XCL2: variants seen among roughly 807,000 people sequenced by gnomAD.
XCL2 encodes the protein X-C motif chemokine ligand 2, also known as cytokine SCM-1 beta.
Under a neutral mutation model 7.2 loss-of-function variants are expected in XCL2, and 8 were observed. The ratio of observed to expected loss-of-function variants is 1.10; its 90% CI spans 0.65 to 1.99. XCL2 has a LOEUF of 1.99. Ranked by LOEUF, XCL2 falls within the 30% of genes most tolerant of loss-of-function variation. The pLI, the probability that XCL2 is intolerant of heterozygous loss-of-function variation, is 0.00. For missense variants in XCL2, 131 were observed against 138.6 expected, an observed-to-expected ratio of 0.94 and a Z score of 0.28; for synonymous variants, 46 against 54.2, an observed-to-expected ratio of 0.85 and a Z score of 0.67.
chr1:168,541,970 A>C, intron 2 of XCL2, 23 bp downstream of exon 2: 1 of 1,608,976 alleles, frequency 6.2e-7, no homozygotes, highest in South Asian at 1.1e-5. Flanking sequence ...CACCCAGCCC[A>C]ACTTCTGAGG....
intron 1 of XCL2, among the ~76,000 whole-genome samples, chr1:168,542,515 T>C (rs1933098): frequency 0.21 from 32,443 of 151,860 alleles, 3,633 homozygotes; most frequent in African/African-American, 0.28. Context: ...GCATATCTTC[T>C]CATGAGGGAG....
intron 1 of XCL2, chr1:168,543,218 G>C (rs1654329296): frequency 4.5e-6 from 1 of 223,706 alleles, no homozygotes; most frequent in Non-Finnish European, 8.7e-6. Context: ...TGCACATGGT[G>C]TGGACCCCAT....
In XCL2 at chr1:168,542,320, T is replaced by A. The variant is rs368269359; in HGVS notation, c.62-213A>T. 3.0e-3 allele frequency among the ~76,000 whole-genome samples: 449 copies of A among 151,814 alleles called. 1 individual carries two copies. Among genetic ancestry groups the A allele is most frequent in the Admixed American group, 8.0e-3 (121 of 15,202 alleles). On this transcript the variant is annotated intron_variant, in intron 1 of 2. Coordinates refer to ENST00000367819, the MANE Select transcript of XCL2 (RefSeq NM_003175.4). ...TAATTTAAAAACTCAATCAACAGAA[T>A]TGTTTCAGGAATTTCATGCTGAGAG...
chr1:168,542,196 T>C (rs908616462), intron 1 of XCL2, 89 bp from the exon 2 acceptor site: 2 of 1,195,230 alleles, frequency 1.7e-6, no homozygotes, highest in African/African-American at 3.1e-5. Flanking sequence ...ACTCTGAGAA[T>C]GTTGTGAGAA....
At position 168,541,067 on chromosome 1, in the gene XCL2, A is replaced by C; in HGVS notation, c.230T>G (p.Val77Gly). The C allele has an allele frequency of 6.2e-7, 1 of 1,613,694 alleles. No individual in the cohort carries two copies. The highest frequency in any genetic ancestry group is 1.1e-5 in the South Asian group (1 of 91,076). ...GTCCATGCTCCTGACCACGTCTCTC[A>C]CCCACGTGGCTTGTGGATCAGCACA... The part of the protein sequence containing the change: ...KVCADPQATW[V>G]RDVVRSMDRK... The change falls in exon 3 of 3, where the codon GTG (valine) becomes GGG (glycine). Residue 77 changes from valine (V) to glycine (G), a missense_variant. Val to Gly is a moderately radical substitution (Grantham distance 109). Coordinates refer to ENST00000367819, the MANE Select transcript of XCL2 (RefSeq NM_003175.4).
At chr1:168,541,949 C>G in intron 2 of XCL2, 44 bp downstream of exon 2, 1 of 1,596,880 alleles carries the variant, frequency 6.3e-7, no homozygotes, top group East Asian at 2.2e-5. Flanking sequence ...ATTTCTATAC[C>G]TCTAGGTACC....
chr1:168,542,266 C>T (rs934313735), intron 1 of XCL2, among the ~76,000 whole-genome samples, 159 bp from the exon 2 acceptor site: 3 of 151,970 alleles, frequency 2.0e-5, no homozygotes, highest in African/African-American at 7.2e-5. Flanking sequence ...AATCTCTTGC[C>T]CGTCACAGAT....
rs1245799196 is a variant in XCL2, at chr1:168,541,051, C to A, written c.246G>T (p.Arg82Ser). ...TGGTGTTGGATTTCCTGTCCATGCT[C>A]CTGACCACGTCTCTCACCCACGTGG... is the stretch of plus-strand genomic sequence containing the variant. ...PQATWVRDVV[R>S]SMDRKSNTRN... is the part of the protein sequence containing the mutation. The change falls in exon 3 of 3, where the codon AGG becomes AGT. Residue 82 changes from arginine to serine, a missense_variant. Transcript: ENST00000367819. 1.2e-6 allele frequency: 2 copies of A among 1,613,552 alleles called. No homozygotes were observed. The highest frequency in any genetic ancestry group is 1.7e-6 in the Non-Finnish European group (2 of 1,179,734).
intron 1 of XCL2, chr1:168,543,329 C>T: frequency 4.7e-6 from 1 of 214,696 alleles, no homozygotes; most frequent in South Asian, 6.5e-5. Flanking sequence ...CAGTCCACAG[C>T]AAGCACTACT....
intron 1 of XCL2, among the ~76,000 whole-genome samples, chr1:168,542,425 C>T (rs1481656120): frequency 7.9e-5 from 12 of 152,048 alleles, no homozygotes; most frequent in South Asian, 4.1e-4. Context: ...CCCAGTGACA[C>T]GCATTCATTC....
rs186515522 is a variant in XCL2, at chr1:168,543,434, A to G, written c.61+470T>C. On this transcript the variant is annotated intron_variant, in intron 1 of 2. Coordinates refer to ENST00000367819, the MANE Select transcript of XCL2 (RefSeq NM_003175.4). ...CCATATTGTAACTGAACTCTCTAAGATTTTGATAATTTATCAAACTATATA... is the reference window on the plus strand; with the variant it reads ...CCATATTGTAACTGAACTCTCTAAGGTTTTGATAATTTATCAAACTATATA... 1.1e-3 allele frequency: 189 copies of G among 178,200 alleles called. 2 individuals are homozygous for G. The highest frequency in any genetic ancestry group is 4.2e-3 in the African/African-American group (174 of 41,736). The allele number at this position is 178,200 out of a possible 1,614,324, so 11.0% of individuals were successfully genotyped here.
intron 2 of XCL2, among the ~76,000 whole-genome samples, chr1:168,541,625 T>A (rs1654285496): frequency 6.6e-6 from 1 of 152,146 alleles, no homozygotes; most frequent in South Asian, 2.1e-4. Context: ...TGATAAAGTA[T>A]GGGACTCTGC....
rs3820405 is a variant in XCL2, at chr1:168,543,891, C to T, written c.61+13G>A. ...TCCCTATTCTTTATCTCACAGACAG[C>T]TTCTCCACTTACCTTCCACAATGTA... is the stretch of plus-strand genomic sequence containing the variant. On this transcript the variant is annotated intron_variant, in intron 1 of 2. Coordinates refer to ENST00000367819, the MANE Select transcript of XCL2 (RefSeq NM_003175.4). 348,026 of 1,552,606 alleles carry T rather than the reference C, an allele frequency of 0.22. 49,787 individuals carry two copies. Among genetic ancestry groups the T allele is most frequent in the East Asian group, 0.65 (28,793 of 44,628 alleles).
At chr1:168,543,749 C>A (rs1284608496) in intron 1 of XCL2, among the ~76,000 whole-genome samples, 155 bp downstream of exon 1, 1 of 151,976 alleles carries the variant, frequency 6.6e-6, no homozygotes, top group Non-Finnish European at 1.5e-5. Flanking sequence ...AAGCCCTCTA[C>A]AGTCAAAATC....
intron 2 of XCL2, 59 bp downstream of exon 2, chr1:168,541,934 A>T: frequency 6.6e-7 from 1 of 1,515,808 alleles, no homozygotes; most frequent in Non-Finnish European, 9.0e-7. Flanking sequence ...ATTTCTATAG[A>T]GTGTATTTCT....
chr1:168,543,898 A>G lies in XCL2; in HGVS notation c.61+6T>C, dbSNP rs771956262. The G allele has an allele frequency of 1.9e-5, 30 of 1,604,502 alleles. No homozygotes were observed. Among genetic ancestry groups the G allele is most frequent in the Non-Finnish European group, 2.3e-5 (27 of 1,173,730 alleles). ...TCTTTATCTCACAGACAGCTTCTCC[A>G]CTTACCTTCCACAATGTATGCAGTG... is the stretch of plus-strand genomic sequence containing the variant. On this transcript the variant is annotated splice_donor_region_variant and intron_variant, in intron 1 of 2. Transcript: ENST00000367819.
At chr1:168,541,524 G>A (rs901017312) in intron 2 of XCL2, among the ~76,000 whole-genome samples, 1 of 151,918 alleles carries the variant, frequency 6.6e-6, no homozygotes, top group African/African-American at 2.4e-5. Flanking sequence ...ATATGTATTG[G>A]GAAGAGTTAT....
In XCL2 at chr1:168,540,957, C is replaced by T. The variant is rs186936267; in HGVS notation, c.340G>A (p.Gly114Ser). 97 of 1,613,542 alleles carry T rather than the reference C, an allele frequency of 6.0e-5. No individual in the cohort carries two copies. The highest frequency in any genetic ancestry group is 8.1e-5 in the Non-Finnish European group (95 of 1,179,628). Reference sequence around the variant, plus strand: ...GGACAGGGTGCCAGAGACTACTAGCCAGTCAGGGTCACAGCTGTATTGGTC... The same window carrying T: ...GGACAGGGTGCCAGAGACTACTAGCTAGTCAGGGTCACAGCTGTATTGGTC... Reference protein sequence around the residue: ...QSTNTAVTLTG With the variant: ...QSTNTAVTLTS The change falls in exon 3 of 3, where the codon GGC becomes AGC. Residue 114 changes from glycine (G) to serine (S), a missense_variant. Gly to Ser is a moderately conservative substitution (Grantham distance 56). Transcript: ENST00000367819.
chr1:168,542,168 A>G (rs1654301850), intron 1 of XCL2, 61 bp from the exon 2 acceptor site: 5 of 1,366,188 alleles, frequency 3.7e-6, no homozygotes, highest in Non-Finnish European at 2.9e-6. Context: ...GATCACAGGA[A>G]CAATCGTCTG....
Sources: gnomAD v4.1 joint callset for allele counts (sites outside exome capture counted in the v4.1 genomes callset) on GRCh38, gnomAD v4.1.1 for gene constraint, MANE v1.5 for transcripts, NCBI Gene and HGNC (gene_info 2026-07-23, HGNC 2026-07-21) for gene names.